The following DYTN variants were observed in gnomAD, a reference collection of about 807,000 sequenced individuals.
DYTN encodes the protein dystrotelin.
In DYTN, 75 loss-of-function variants were observed where a neutral mutation model predicts 69.6. The observed-to-expected ratio is 1.08, with a 90% confidence interval of 0.89 to 1.31. The LOEUF is 1.31. Ranked by LOEUF, DYTN falls within the 50% of genes most tolerant of loss-of-function variation. The probability of loss-of-function intolerance (pLI) is 0.00; values close to 1 mark genes in which losing one functional copy is unlikely to be tolerated. For missense variants in DYTN, 726 were observed against 688.4 expected, an observed-to-expected ratio of 1.05 and a Z score of -0.61; for synonymous variants, 252 against 249.1, an observed-to-expected ratio of 1.01 and a Z score of -0.11.
At chr2:206,690,172 T>C (rs1699849630) in intron 9 of DYTN, among the ~76,000 whole-genome samples, 1 of 152,124 alleles carries the variant, frequency 6.6e-6, no homozygotes, top group Non-Finnish European at 1.5e-5. Context: ...AGCCTACATT[T>C]GAGCAAAGAC....
intron 8 of DYTN, among the ~76,000 whole-genome samples, chr2:206,694,181 A>G (rs1200944381): frequency 6.6e-6 from 1 of 152,204 alleles, no homozygotes; most frequent in African/African-American, 2.4e-5. Flanking sequence ...TCTAAAATGT[A>G]CTATGCTGTT....
intron 9 of DYTN, among the ~76,000 whole-genome samples, chr2:206,690,230 A>G (rs1699850397): frequency 6.6e-6 from 1 of 152,140 alleles, no homozygotes; most frequent in East Asian, 1.9e-4. Context: ...CAGGGAGGTG[A>G]TCTAGGGTTG....
At chr2:206,655,128 T>G (rs1318019049) in intron 11 of DYTN, among the ~76,000 whole-genome samples, 1 of 152,212 alleles carries the variant, frequency 6.6e-6, no homozygotes, top group South Asian at 2.1e-4. Flanking sequence ...TTTTTCTTAT[T>G]TGGACTTTAT....
At chr2:206,672,922 T>A (rs532614485) in intron 9 of DYTN, among the ~76,000 whole-genome samples, 5 of 152,380 alleles carry the variant, frequency 3.3e-5, no homozygotes, top group South Asian at 2.1e-4. Context: ...TTTTCTTTTT[T>A]AAAAAAACTT....
chr2:206,694,597 C>T (rs1699899773), intron 8 of DYTN, among the ~76,000 whole-genome samples, 169 bp downstream of exon 8: 1 of 152,150 alleles, frequency 6.6e-6, no homozygotes, highest in Admixed American at 6.5e-5. Flanking sequence ...AGAAATCATA[C>T]TTACGTTGGG....
chr2:206,683,535 G>A (rs1373808943), intron 9 of DYTN, among the ~76,000 whole-genome samples: 3 of 151,538 alleles, frequency 2.0e-5, no homozygotes, highest in African/African-American at 4.8e-5. Flanking sequence ...GTAGAGACAG[G>A]GTTTTACCAT....
intron 1 of DYTN, among the ~76,000 whole-genome samples, chr2:206,712,624 G>C (rs750136056): frequency 6.6e-6 from 1 of 152,192 alleles, no homozygotes; most frequent in African/African-American, 2.4e-5. Flanking sequence ...AGGGGATCCA[G>C]GTAGTATATG....
In DYTN at chr2:206,697,341, G is replaced by T. The variant is rs11892912; in HGVS notation, c.719+2386C>A. On this transcript the variant is annotated intron_variant, in intron 7 of 11. Coordinates refer to ENST00000452335, the MANE Select transcript of DYTN (RefSeq NM_001093730.1). The stretch of plus-strand genomic sequence containing the variant: ...ATGGCTATCACAGAGCAAAAATGCT[G>T]ACATGTCCTTCTAGAATTTTTTTCT... Among the ~76,000 whole-genome samples the T allele has an allele frequency of 9.2e-3, 1,404 of 152,200 alleles. 25 individuals are homozygous for T. The highest frequency in any genetic ancestry group is 0.032 in the African/African-American group (1,345 of 41,514).
At chr2:206,692,853 G>C (rs1198360066) in intron 9 of DYTN, among the ~76,000 whole-genome samples, 1 of 150,506 alleles carries the variant, frequency 6.6e-6, no homozygotes, top group Non-Finnish European at 1.5e-5. Context: ...CCTTCCAAAA[G>C]CAAACCAGCA....
At chr2:206,653,512 A>G (rs1433974990) in intron 11 of DYTN, among the ~76,000 whole-genome samples, 1 of 152,252 alleles carries the variant, frequency 6.6e-6, no homozygotes, top group Non-Finnish European at 1.5e-5. Flanking sequence ...AAATGTAATT[A>G]AAAGTCTATC....
intron 7 of DYTN, among the ~76,000 whole-genome samples, chr2:206,697,876 T>C (rs1304100134): frequency 6.6e-6 from 1 of 152,204 alleles, no homozygotes; most frequent in Non-Finnish European, 1.5e-5. Context: ...TAGGGGCGAC[T>C]TAAGTAAGTC....
At chr2:206,654,060 TA>T (rs1699419424) in intron 11 of DYTN, among the ~76,000 whole-genome samples, 1 of 152,238 alleles carries the variant, frequency 6.6e-6, no homozygotes, top group Non-Finnish European at 1.5e-5. Context: ...AATGCTTGAT[TA>T]ATATTTGTTG....
intron 8 of DYTN, 66 bp from the exon 9 acceptor site, chr2:206,693,389 TTGGA>T (rs1699886148): frequency 6.5e-7 from 1 of 1,535,990 alleles, no homozygotes; most frequent in African/African-American, 1.4e-5. Context: ...CCTTCCTTAC[TTGGA>T]TGGACTGGCC....
intron 9 of DYTN, among the ~76,000 whole-genome samples, chr2:206,689,953 T>A (rs1019149335): frequency 1.3e-5 from 2 of 152,206 alleles, no homozygotes; most frequent in African/African-American, 4.8e-5. Context: ...ATTCTGGCAA[T>A]ACAACTGGAA....
At chr2:206,671,944 C>T (rs13422013) in intron 9 of DYTN, among the ~76,000 whole-genome samples, 21,311 of 152,112 alleles carry the variant, frequency 0.14, 2,380 homozygotes, top group African/African-American at 0.31. Flanking sequence ...TAAACATAGC[C>T]GTATGTGCCT....
chr2:206,710,045 C>T (rs534535292), intron 2 of DYTN, among the ~76,000 whole-genome samples: 1 of 152,194 alleles, frequency 6.6e-6, no homozygotes, highest in African/African-American at 2.4e-5. Flanking sequence ...AATTCATGGT[C>T]CATGGGTTAT....
chr2:206,699,964 TTC>T, intron 6 of DYTN, 74 bp from the exon 7 acceptor site: 2 of 1,557,666 alleles, frequency 1.3e-6, no homozygotes, highest in South Asian at 2.5e-5. Flanking sequence ...CTGACTCTAA[TTC>T]TGTCAGTTCT....
chr2:206,716,574 T>A (rs529891469), intron 1 of DYTN, among the ~76,000 whole-genome samples: 4 of 152,154 alleles, frequency 2.6e-5, no homozygotes, highest in Non-Finnish European at 5.9e-5. Flanking sequence ...TTCCTTAGGC[T>A]TTAAAAATGC....
intron 5 of DYTN, chr2:206,701,018 G>A (rs903516731): frequency 2.6e-4 from 40 of 152,080 alleles, no homozygotes; most frequent in African/African-American, 9.4e-4. Context: ...TCACTGATGG[G>A]CATTTGGGTT....
Sources: allele counts gnomAD v4.1 joint callset (sites outside exome capture counted in the v4.1 genomes callset), GRCh38; gene constraint gnomAD v4.1.1; transcripts MANE v1.5; gene names NCBI Gene and HGNC (gene_info 2026-07-23, HGNC 2026-07-21).